The following GRM5 variants were observed in gnomAD, a reference collection of about 807,000 sequenced individuals.
The protein encoded by GRM5 is metabotropic glutamate receptor 5.
A neutral mutation model predicts 83.1 loss-of-function variants in GRM5; 19 were observed. That is an observed-to-expected ratio of 0.23 (90% CI 0.16 to 0.34). The LOEUF is 0.34. Among genes scored for constraint, GRM5 ranks in the 10% least tolerant of loss-of-function variants. GRM5 has a pLI of 1.00. For missense variants in GRM5, 1,160 were observed against 1,588.3 expected, an observed-to-expected ratio of 0.73 and a Z score of 4.58; for synonymous variants, 675 against 633.6, an observed-to-expected ratio of 1.07 and a Z score of -0.98.
intron 3 of GRM5, among the ~76,000 whole-genome samples, chr11:88,715,528 C>T (rs1181588010): frequency 6.6e-6 from 1 of 151,920 alleles, no homozygotes; most frequent in Non-Finnish European, 1.5e-5. Context: ...CTGGATTATT[C>T]TACAACGAAA....
intron 3 of GRM5, among the ~76,000 whole-genome samples, chr11:88,786,814 T>A (rs978084706): frequency 6.6e-6 from 1 of 152,080 alleles, no homozygotes; most frequent in Non-Finnish European, 1.5e-5. Context: ...TCCACTTAAA[T>A]ATGAGCTTCA....
chr11:89,062,221 A>G (rs1468262211), intron 1 of GRM5, among the ~76,000 whole-genome samples: 2 of 152,254 alleles, frequency 1.3e-5, no homozygotes, highest in South Asian at 2.1e-4. Flanking sequence ...TGAGAAATTA[A>G]AGGAGGAAAC....
At position 88,774,712 on chromosome 11, in the gene GRM5, TG is replaced by T. The variant is rs368220209; in HGVS notation, c.911+75193del. ...TTCTGCATCTATTGAGATAATCATGTGGTTTTTGTCCTTGGTTCTGTTCATG... is the reference window on the plus strand; with the variant it reads ...TTCTGCATCTATTGAGATAATCATGTGTTTTTGTCCTTGGTTCTGTTCATG... On this transcript the variant is annotated intron_variant, in intron 3 of 9. Coordinates refer to ENST00000305447, the MANE Select transcript of GRM5 (RefSeq NM_001143831.3). Among the ~76,000 whole-genome samples the T allele has an allele frequency of 2.7e-4, 41 of 152,354 alleles. 1 individual carries two copies. In the East Asian group the frequency reaches 6.8e-3, roughly 25 times the overall value.
intron 5 of GRM5, among the ~76,000 whole-genome samples, chr11:88,599,682 C>A (rs139473897): frequency 1.3e-5 from 2 of 152,200 alleles, no homozygotes; most frequent in African/African-American, 2.4e-5. Flanking sequence ...AATCTTTAGC[C>A]ATGATTCAAT....
intron 3 of GRM5, among the ~76,000 whole-genome samples, chr11:88,818,302 T>C (rs796497636): frequency 4.6e-5 from 7 of 152,208 alleles, no homozygotes; most frequent in African/African-American, 1.4e-4. Context: ...ATCATGATTA[T>C]GACAGAAAAA....
At chr11:88,589,871 T>C (rs976935918) in intron 7 of GRM5, among the ~76,000 whole-genome samples, 3 of 152,156 alleles carry the variant, frequency 2.0e-5, no homozygotes, top group Non-Finnish European at 2.9e-5. Flanking sequence ...ATTTTTATTT[T>C]AGTGGTAGGA....
intron 2 of GRM5, among the ~76,000 whole-genome samples, chr11:88,896,216 A>G (rs1945226134): frequency 6.6e-6 from 1 of 151,886 alleles, no homozygotes; most frequent in South Asian, 2.1e-4. Context: ...GCCTGTTTCC[A>G]ACACTTGTGC....
intron 5 of GRM5, among the ~76,000 whole-genome samples, chr11:88,599,777 G>T (rs1386101562): frequency 6.6e-6 from 1 of 152,122 alleles, no homozygotes; most frequent in Non-Finnish European, 1.5e-5. Context: ...ACTTTGGGAG[G>T]CTGAGGCGGG....
intron 3 of GRM5, among the ~76,000 whole-genome samples, chr11:88,807,303 A>G (rs1031431821): frequency 5.9e-5 from 9 of 152,154 alleles, no homozygotes; most frequent in African/African-American, 2.2e-4. Flanking sequence ...CAAATGAAGC[A>G]TATTACTGAA....
intron 3 of GRM5, among the ~76,000 whole-genome samples, chr11:88,733,234 A>C (rs1329806905): frequency 6.6e-6 from 1 of 152,080 alleles, no homozygotes; most frequent in Non-Finnish European, 1.5e-5. Flanking sequence ...TATCCCCAGC[A>C]TCTAAGATAA....
intron 2 of GRM5, among the ~76,000 whole-genome samples, chr11:88,950,031 ATTTTT>A (rs58554674): frequency 7.2e-6 from 1 of 139,578 alleles, no homozygotes; most frequent in African/African-American, 2.6e-5. Flanking sequence ...AGCCTGGCTA[ATTTTT>A]TTTTTTTTTT....
At chr11:88,618,339 C>G (rs553504432) in intron 4 of GRM5, among the ~76,000 whole-genome samples, 2 of 152,336 alleles carry the variant, frequency 1.3e-5, no homozygotes, top group East Asian at 3.9e-4. Flanking sequence ...GACACTTTTA[C>G]TAATCTTCTT....
rs575338642 is a variant in GRM5 at position 88,759,019 on chromosome 11, C to T, written c.911+90887G>A. Among the ~76,000 whole-genome samples the T allele has an allele frequency of 2.0e-5, 3 of 152,254 alleles. No homozygotes were observed. The South Asian group carries it at 6.2e-4, about 32-fold the overall frequency. ...CATGAAGGAGAAATAAGGTTATTTT[C>T]ACACAAGCAAATACTGAGGGAACCT... is the stretch of plus-strand genomic sequence containing the variant. On this transcript the variant is annotated intron_variant, in intron 3 of 9. Coordinates refer to ENST00000305447, the MANE Select transcript of GRM5 (RefSeq NM_001143831.3).
chr11:88,868,849 G>T (rs1232743341), intron 2 of GRM5, among the ~76,000 whole-genome samples: 2 of 151,674 alleles, frequency 1.3e-5, no homozygotes, highest in Non-Finnish European at 3.0e-5. Context: ...TGTAATCAGG[G>T]ATCTTAATAG....
At chr11:88,883,055 A>G (rs1022629770) in intron 2 of GRM5, among the ~76,000 whole-genome samples, 1 of 151,912 alleles carries the variant, frequency 6.6e-6, no homozygotes, top group African/African-American at 2.4e-5. Context: ...AATCCATTAA[A>G]CCTCTTTCCT....
intron 6 of GRM5, among the ~76,000 whole-genome samples, chr11:88,594,104 G>A (rs2927492): frequency 0.9 from 136,941 of 152,168 alleles, 62,150 homozygotes; most frequent in East Asian, 1. Context: ...TAGAAGTTAC[G>A]TTTTCAAAAT....
chr11:88,820,117 A>G (rs139481304), intron 3 of GRM5, among the ~76,000 whole-genome samples: 1,757 of 151,998 alleles, frequency 0.012, 16 homozygotes, highest in Middle Eastern at 0.054. Context: ...GCCAGTGTAC[A>G]TGCCTGTAAT....
At chr11:88,663,779 T>G (rs1939966295) in intron 3 of GRM5, among the ~76,000 whole-genome samples, 1 of 152,190 alleles carries the variant, frequency 6.6e-6, no homozygotes, top group Admixed American at 6.6e-5. Flanking sequence ...GCCTCTTTTA[T>G]GAAGGCCAAA....
chr11:89,042,763 C>A (rs1450321416), intron 2 of GRM5, among the ~76,000 whole-genome samples: 10 of 152,138 alleles, frequency 6.6e-5, no homozygotes, highest in African/African-American at 1.2e-4. Flanking sequence ...GACTATGAAT[C>A]ATACTGAAGT....
Sources: allele counts gnomAD v4.1 joint callset (sites outside exome capture counted in the v4.1 genomes callset), GRCh38; gene constraint gnomAD v4.1.1; transcripts MANE v1.5; gene names NCBI Gene and HGNC (gene_info 2026-07-23, HGNC 2026-07-21).